Variants in CDH18 observed in about 807,000 individuals in gnomAD.
The protein encoded by CDH18 is cadherin 18.
Under a neutral mutation model 67.9 loss-of-function variants are expected in CDH18, and 31 were observed. The ratio of observed to expected loss-of-function variants is 0.46; its 90% CI spans 0.34 to 0.62. The LOEUF (loss-of-function observed/expected upper bound fraction) is 0.62. Among genes scored for constraint, CDH18 ranks in the 20% least tolerant of loss-of-function variants. The probability of loss-of-function intolerance (pLI) is 0.01; values close to 1 mark genes in which losing one functional copy is unlikely to be tolerated. For synonymous variants in CDH18, 362 were observed against 347.2 expected (o/e 1.04, Z -0.48); for missense variants, 890 against 975.5 (o/e 0.91, Z 1.17).
intron 2 of CDH18, among the ~76,000 whole-genome samples, chr5:19,958,241 A>G (rs1344573513): frequency 6.6e-6 from 1 of 151,516 alleles, no homozygotes; most frequent in Admixed American, 6.6e-5. Flanking sequence ...AACACTCTCA[A>G]CCATTGATCT....
intron 2 of CDH18, among the ~76,000 whole-genome samples, chr5:19,877,434 G>T (rs368675095): frequency 6.6e-6 from 1 of 152,016 alleles, no homozygotes. Context: ...ATGTAAATAC[G>T]AGGATAGTCA....
chr5:19,911,908 G>A (rs1176010855), intron 2 of CDH18, among the ~76,000 whole-genome samples: 1 of 152,102 alleles, frequency 6.6e-6, no homozygotes, highest in East Asian at 1.9e-4. Context: ...AGGGAACCAT[G>A]GAACAGCCTA....
intron 2 of CDH18, among the ~76,000 whole-genome samples, chr5:20,074,722 C>G (rs572859330): frequency 7.4e-5 from 7 of 94,558 alleles, no homozygotes; most frequent in African/African-American, 2.1e-4. Context: ...ACTTTTAATA[C>G]AATAGTTTGG....
Position 19,657,403 on chromosome 5 carries a change from G to A in CDH18, c.644-44802C>T, listed in dbSNP as rs1175113834. Among the ~76,000 whole-genome samples, 6 of 151,834 alleles carry A rather than the reference G, an allele frequency of 4.0e-5. 1 individual carries two copies. The South Asian group carries it at 8.3e-4, about 21-fold the overall frequency. On this transcript the variant is annotated intron_variant, in intron 5 of 12. Coordinates refer to ENST00000382275, the MANE Select transcript of CDH18 (RefSeq NM_004934.5). ...AAAATAAATCACACAATCCAAATTC[G>A]GTAGAACCAACGACTTCAAATGTCT...
At chr5:20,084,582 G>T (rs1282823841) in intron 2 of CDH18, among the ~76,000 whole-genome samples, 2 of 152,164 alleles carry the variant, frequency 1.3e-5, no homozygotes, top group Non-Finnish European at 2.9e-5. Flanking sequence ...CTTCTGCACT[G>T]CCCTAGTGGA....
Position 19,524,721 on chromosome 5 carries a change from C to T in CDH18, c.1391-3943G>A, listed in dbSNP as rs183639985. On this transcript the variant is annotated intron_variant, in intron 9 of 12. Transcript: ENST00000382275. The stretch of plus-strand genomic sequence containing the variant: ...AGCTCTAGTCATAGGTATCAGCAAC[C>T]TTACTTGTTCCTGAGTAAGTAACTC... 3.1e-3 allele frequency among the ~76,000 whole-genome samples: 471 copies of T among 152,166 alleles called. 1 individual carries two copies. The highest frequency in any genetic ancestry group is 5.5e-3 in the Non-Finnish European group (374 of 68,002).
chr5:20,390,343 C>A (rs1744731600), intron 1 of CDH18, among the ~76,000 whole-genome samples: 2 of 152,202 alleles, frequency 1.3e-5, no homozygotes, highest in Admixed American at 1.3e-4. Flanking sequence ...TGAACAGACA[C>A]TTCTCAAAGG....
intron 2 of CDH18, among the ~76,000 whole-genome samples, chr5:20,176,013 C>T (rs867866453): frequency 6.6e-6 from 1 of 152,300 alleles, no homozygotes; most frequent in South Asian, 2.1e-4. Context: ...TGTATTACCT[C>T]AATTCCAGAG....
intron 2 of CDH18, among the ~76,000 whole-genome samples, chr5:20,056,337 C>CAA (rs753222416): frequency 8.9e-6 from 1 of 112,828 alleles, no homozygotes; most frequent in African/African-American, 3.2e-5. Context: ...TCCACATTTT[C>CAA]AAAAAAAAAA....
At chr5:20,225,081 G>T (rs2126469923) in intron 2 of CDH18, among the ~76,000 whole-genome samples, 1 of 152,186 alleles carries the variant, frequency 6.6e-6, no homozygotes, top group South Asian at 2.1e-4. Flanking sequence ...TGTTTGGATA[G>T]CTCTTTTCGT....
intron 1 of CDH18, among the ~76,000 whole-genome samples, chr5:20,310,608 T>A (rs928413982): frequency 6.6e-6 from 1 of 152,172 alleles, no homozygotes; most frequent in Non-Finnish European, 1.5e-5. Flanking sequence ...GATGAGTTCA[T>A]ATTTATATGT....
intron 1 of CDH18, among the ~76,000 whole-genome samples, chr5:20,283,974 T>C (rs1041628860): frequency 6.6e-6 from 1 of 151,972 alleles, no homozygotes; most frequent in African/African-American, 2.4e-5. Flanking sequence ...GATCATTATG[T>C]TAAGTAAAAT....
chr5:19,872,240 A>C (rs1725201227), intron 2 of CDH18, among the ~76,000 whole-genome samples: 1 of 152,184 alleles, frequency 6.6e-6, no homozygotes, highest in African/African-American at 2.4e-5. Flanking sequence ...TAGAGATCAG[A>C]AGCTCCCTTG....
intron 2 of CDH18, among the ~76,000 whole-genome samples, chr5:20,233,165 T>C (rs1397660623): frequency 1.3e-5 from 2 of 150,822 alleles, no homozygotes; most frequent in Non-Finnish European, 3.0e-5. Flanking sequence ...TCTGAATATA[T>C]ATATAATGTA....
At chr5:20,521,218 T>C (rs1755721599) in intron 1 of CDH18, among the ~76,000 whole-genome samples, 1 of 152,092 alleles carries the variant, frequency 6.6e-6, no homozygotes, top group Non-Finnish European at 1.5e-5. Flanking sequence ...GAGCAAATTC[T>C]GGACATATTG....
chr5:19,476,544 A>G (rs1738503869), intron 12 of CDH18, among the ~76,000 whole-genome samples: 1 of 152,110 alleles, frequency 6.6e-6, no homozygotes, highest in African/African-American at 2.4e-5. Flanking sequence ...CAAAGCTCCA[A>G]ACAACATCCT....
chr5:20,531,311 C>G (rs564801058), intron 1 of CDH18, among the ~76,000 whole-genome samples: 27 of 152,162 alleles, frequency 1.8e-4, no homozygotes, highest in South Asian at 1.0e-3. Flanking sequence ...TTAATTCAAC[C>G]ATTGTAGAAG....
chr5:19,629,928 T>C (rs1752160893), intron 5 of CDH18, among the ~76,000 whole-genome samples: 1 of 152,052 alleles, frequency 6.6e-6, no homozygotes, highest in African/African-American at 2.4e-5. Context: ...ATAGATTTTT[T>C]ATTTTTATTT....
intron 5 of CDH18, among the ~76,000 whole-genome samples, chr5:19,633,796 A>AT (rs1444005279): frequency 2.0e-5 from 3 of 151,796 alleles, no homozygotes; most frequent in Non-Finnish European, 4.4e-5. Context: ...TACCCACCTA[A>AT]TTTTTTAGTA....
Sources: gnomAD v4.1 joint callset for allele counts (sites outside exome capture counted in the v4.1 genomes callset) on GRCh38, gnomAD v4.1.1 for gene constraint, MANE v1.5 for transcripts, NCBI Gene and HGNC (gene_info 2026-07-23, HGNC 2026-07-21) for gene names.